SMOC2: variants seen among roughly 807,000 people sequenced by gnomAD.
SMOC2 encodes SPARC related modular calcium binding 2.
Under a neutral mutation model 61.4 loss-of-function variants are expected in SMOC2, and 39 were observed. That is an observed-to-expected ratio of 0.64 (90% CI 0.49 to 0.83). SMOC2 has a LOEUF of 0.83. Among genes scored for constraint, SMOC2 ranks in the 40% least tolerant of loss-of-function variants. The pLI, the probability that SMOC2 is intolerant of heterozygous loss-of-function variation, is 0.00. For missense variants in SMOC2, 556 were observed against 592.9 expected (o/e 0.94, Z 0.65); for synonymous variants, 247 against 239.9 (o/e 1.03, Z -0.27).
At position 168,540,706 on chromosome 6, in the gene SMOC2, C is replaced by T. The variant is rs139752328; in HGVS notation, c.464-2919C>T. On this transcript the variant is annotated intron_variant, in intron 4 of 12. Transcript: ENST00000356284. ...GAGGGCAGGAACCTTGAGAAAAGCCCAATAGCACAGAGACGCCGTCTAGAC... is the reference window on the plus strand; with the variant it reads ...GAGGGCAGGAACCTTGAGAAAAGCCTAATAGCACAGAGACGCCGTCTAGAC... Among the ~76,000 whole-genome samples the T allele has an allele frequency of 5.1e-3, 781 of 152,270 alleles. 4 individuals carry two copies. The highest frequency in any genetic ancestry group is 0.028 in the South Asian group (134 of 4,820).
intron 9 of SMOC2, among the ~76,000 whole-genome samples, chr6:168,619,011 C>T (rs1257960206): frequency 2.6e-5 from 4 of 152,118 alleles, no homozygotes; most frequent in Non-Finnish European, 5.9e-5. Context: ...GCTAGAATAT[C>T]AGAGAACCAA....
At chr6:168,478,540 T>C (rs73791034) in intron 1 of SMOC2, among the ~76,000 whole-genome samples, 7,407 of 152,268 alleles carry the variant, frequency 0.049, 616 homozygotes, top group African/African-American at 0.17. Flanking sequence ...GATCTCCTTA[T>C]GCCCAGACTT....
At chr6:168,659,000 G>T (rs1179368502) in intron 11 of SMOC2, among the ~76,000 whole-genome samples, 1 of 144,190 alleles carries the variant, frequency 6.9e-6, no homozygotes, top group Non-Finnish European at 1.5e-5. Context: ...TAAATATGGG[G>T]TGTGTGTGTT....
At chr6:168,534,565 T>C (rs1440945092) in intron 4 of SMOC2, among the ~76,000 whole-genome samples, 1 of 152,260 alleles carries the variant, frequency 6.6e-6, no homozygotes, top group East Asian at 1.9e-4. Context: ...ACTTTTCTTT[T>C]TAAAGTTGGA....
intron 1 of SMOC2, among the ~76,000 whole-genome samples, chr6:168,507,847 T>C (rs1231975036): frequency 6.6e-6 from 1 of 152,250 alleles, no homozygotes; most frequent in Non-Finnish European, 1.5e-5. Flanking sequence ...CTGTTTGAAA[T>C]GGAACAATTG....
chr6:168,627,792 G>A (rs1475191791), intron 9 of SMOC2, among the ~76,000 whole-genome samples: 1 of 152,174 alleles, frequency 6.6e-6, no homozygotes, highest in Non-Finnish European at 1.5e-5. Flanking sequence ...ACGTGCAAGG[G>A]ATCCTTTCAA....
At chr6:168,518,968 C>CACGTGTGTATGCAT (rs1554286616) in intron 2 of SMOC2, among the ~76,000 whole-genome samples, 7 of 142,158 alleles carry the variant, frequency 4.9e-5, no homozygotes, top group African/African-American at 1.6e-4. Flanking sequence ...TATCCGTGCA[C>CACGTGTGTATGCAT]GCGTGTGTAT....
intron 9 of SMOC2, among the ~76,000 whole-genome samples, chr6:168,613,270 A>G (rs9295076): frequency 0.19 from 28,804 of 152,122 alleles, 2,857 homozygotes; most frequent in South Asian, 0.28. Context: ...CCTGTGAGCC[A>G]TTCCTTCCTC....
intron 9 of SMOC2, among the ~76,000 whole-genome samples, chr6:168,644,114 G>C (rs1263638440): frequency 6.6e-6 from 1 of 152,192 alleles, no homozygotes; most frequent in African/African-American, 2.4e-5. Flanking sequence ...TTGAGATTGC[G>C]GTGCTTTTTA....
chr6:168,540,809 A>T (rs1481626956), intron 4 of SMOC2, among the ~76,000 whole-genome samples: 1 of 151,990 alleles, frequency 6.6e-6, no homozygotes. Context: ...TGCCCCCAGG[A>T]TGTGAAGTTC....
At chr6:168,470,511 C>G (rs1262796764) in intron 1 of SMOC2, among the ~76,000 whole-genome samples, 2 of 151,822 alleles carry the variant, frequency 1.3e-5, no homozygotes, top group African/African-American at 4.8e-5. Flanking sequence ...CCTGTCTCTA[C>G]CAAAAATACA....
intron 9 of SMOC2, among the ~76,000 whole-genome samples, chr6:168,648,101 C>G (rs1235981915): frequency 6.6e-6 from 1 of 152,176 alleles, no homozygotes; most frequent in Non-Finnish European, 1.5e-5. Flanking sequence ...GTCCCTATTA[C>G]CACACCAAAT....
intron 2 of SMOC2, among the ~76,000 whole-genome samples, chr6:168,511,736 C>T (rs376053539): frequency 7.9e-5 from 12 of 151,266 alleles, no homozygotes; most frequent in South Asian, 4.2e-4. Flanking sequence ...GCACAGACTC[C>T]GGATTTAAAG....
At chr6:168,625,211 A>G (rs1786370978) in intron 9 of SMOC2, among the ~76,000 whole-genome samples, 1 of 152,256 alleles carries the variant, frequency 6.6e-6, no homozygotes, top group African/African-American at 2.4e-5. Context: ...CTCACCGTGA[A>G]GACCCGCATC....
chr6:168,451,956 CTGTCCT>C (rs1411298281), intron 1 of SMOC2, among the ~76,000 whole-genome samples: 1 of 152,236 alleles, frequency 6.6e-6, no homozygotes, highest in Non-Finnish European at 1.5e-5. Flanking sequence ...GGGGAAGCCC[CTGTCCT>C]TTTTTGGAAG....
intron 1 of SMOC2, among the ~76,000 whole-genome samples, chr6:168,470,345 T>G (rs1781942960): frequency 6.6e-6 from 1 of 152,222 alleles, no homozygotes; most frequent in Non-Finnish European, 1.5e-5. Flanking sequence ...GGTATATATT[T>G]GTAATAATTA....
intron 7 of SMOC2, among the ~76,000 whole-genome samples, chr6:168,591,616 A>G (rs1208126502): frequency 6.7e-6 from 1 of 148,980 alleles, no homozygotes; most frequent in Non-Finnish European, 1.5e-5. Context: ...TATATTGTTA[A>G]TATAATATAT....
chr6:168,555,308 G>T (rs1411781329), intron 7 of SMOC2, among the ~76,000 whole-genome samples: 1 of 152,220 alleles, frequency 6.6e-6, no homozygotes, highest in Non-Finnish European at 1.5e-5. Flanking sequence ...ACCCACTCTT[G>T]TCTCCACCCG....
chr6:168,639,924 C>T (rs968440), intron 9 of SMOC2, among the ~76,000 whole-genome samples: 110,169 of 152,198 alleles, frequency 0.72, 41,004 homozygotes, highest in African/African-American at 0.9. Flanking sequence ...AGGGAGCCCT[C>T]GGTTCATGTG....
Sources: gnomAD v4.1 joint callset for allele counts (sites outside exome capture counted in the v4.1 genomes callset) on GRCh38, gnomAD v4.1.1 for gene constraint, MANE v1.5 for transcripts, NCBI Gene and HGNC (gene_info 2026-07-23, HGNC 2026-07-21) for gene names.